TIMM22: variants seen among roughly 807,000 people sequenced by gnomAD.
TIMM22 encodes the protein translocase of inner mitochondrial membrane 22.
TIMM22 carries 12 observed loss-of-function variants against 18.3 expected under a neutral mutation model. That is an observed-to-expected ratio of 0.65 (90% CI 0.42 to 1.06). The LOEUF (loss-of-function observed/expected upper bound fraction) is 1.06. Ranked by LOEUF, TIMM22 falls within the 50% of genes least tolerant of loss-of-function variation. The probability of loss-of-function intolerance (pLI) is 0.00; values close to 1 mark genes in which losing one functional copy is unlikely to be tolerated. For synonymous variants in TIMM22, 107 were observed against 98.5 expected, an observed-to-expected ratio of 1.09 and a Z score of -0.51; for missense variants, 278 against 252.8, an observed-to-expected ratio of 1.10 and a Z score of -0.68.
At chr17:1,000,228 ATATAAAT>A (rs752899656) in intron 3 of TIMM22, among the ~76,000 whole-genome samples, 2 of 151,762 alleles carry the variant, frequency 1.3e-5, no homozygotes, top group Non-Finnish European at 2.9e-5. Context: ...TTAATTTTAG[ATATAAAT>A]TATAATGGTA....
chr17:1,000,609 T>C (rs918907323), intron 3 of TIMM22, among the ~76,000 whole-genome samples: 6 of 152,198 alleles, frequency 3.9e-5, no homozygotes, highest in African/African-American at 1.4e-4. Context: ...CGTCCCATTG[T>C]TCAGCTTCAC....
At chr17:1,000,950 G>C (rs369276305) in intron 3 of TIMM22, 62 bp from the exon 4 acceptor site, 9 of 1,588,962 alleles carry the variant, frequency 5.7e-6, no homozygotes, top group Non-Finnish European at 7.8e-6. Flanking sequence ...CCAACTTTCC[G>C]TGAGTGCCTC....
At chr17:998,450 C>T (rs908704820) in intron 1 of TIMM22, among the ~76,000 whole-genome samples, 2 of 151,998 alleles carry the variant, frequency 1.3e-5, no homozygotes, top group African/African-American at 4.8e-5. Flanking sequence ...GTCACAGTGG[C>T]CAAGAGAGTG....
In TIMM22 at chr17:998,917, C is replaced by T. The variant is rs1482387036; in HGVS notation, c.377C>T (p.Ala126Val). Residue 126 changes from alanine (A) to valine (V), a missense_variant, in exon 2 of 4, where the codon GCC becomes GTC. By Grantham distance (64) the Ala-to-Val change is moderately conservative. Coordinates refer to ENST00000327158, the MANE Select transcript of TIMM22 (RefSeq NM_013337.4). ...ATGGGGCAGAGAGGAATGTCCTATG[C>T]CAAAAATTTCGCCATTGTGGGAGCC... is the stretch of plus-strand genomic sequence containing the variant. ...KDMGQRGMSY[A>V]KNFAIVGAMF... 9 of 1,614,058 alleles carry T rather than the reference C, an allele frequency of 5.6e-6. No homozygotes were observed. The highest frequency in any genetic ancestry group is 5.1e-6 in the Non-Finnish European group (6 of 1,179,978).
chr17:998,959 A>AGT lies in TIMM22; in HGVS notation c.422_423dup (p.Leu142ValfsTer2). On this transcript the variant is annotated frameshift_variant, in exon 2 of 4. Transcript: ENST00000327158. LOFTEE classifies it high-confidence loss of function. ...GTGGGAGCCATGTTTTCTTGTACTG[A>AGT]GTGTTTGATAGAATCTGTAAGTGTC... The AGT allele has an allele frequency of 6.2e-7, 1 of 1,612,782 alleles. No individual in the cohort carries two copies. The highest frequency in any genetic ancestry group is 8.5e-7 in the Non-Finnish European group (1 of 1,179,118).
intron 3 of TIMM22, among the ~76,000 whole-genome samples, chr17:999,966 G>A (rs1356708839): frequency 6.6e-6 from 1 of 151,936 alleles, no homozygotes; most frequent in African/African-American, 2.4e-5. Context: ...GTGGCACGAT[G>A]TCAGCTCACT....
chr17:1,001,217 T>G lies in TIMM22; in HGVS notation c.*129T>G. On this transcript the variant is annotated 3_prime_UTR_variant, in exon 4 of 4. Coordinates refer to ENST00000327158, the MANE Select transcript of TIMM22 (RefSeq NM_013337.4). The stretch of plus-strand genomic sequence containing the variant: ...CATTCATTTTCCCTCATGTCGTTGG[T>G]ATTCTGAGGGAGCTGCCTGGCTTCT... 4 of 1,037,954 alleles carry G rather than the reference T, an allele frequency of 3.9e-6. No homozygotes were observed. The highest frequency in any genetic ancestry group is 4.3e-6 in the Non-Finnish European group (3 of 691,364). 64.3% of individuals were successfully genotyped at this position (1,037,954 alleles called of 1,614,324 possible).
intron 2 of TIMM22, 121 bp from the exon 3 acceptor site, chr17:999,391 G>T: frequency 1.7e-6 from 1 of 601,942 alleles, no homozygotes; most frequent in East Asian, 3.0e-5. Flanking sequence ...ATATTTTCAA[G>T]AAAGATTAGG....
chr17:999,548 A>G lies in TIMM22; in HGVS notation c.472A>G (p.Ser158Gly). The change falls in exon 3 of 4, where the codon AGT becomes GGT. Residue 158 changes from serine (S) to glycine (G), a missense_variant. Physicochemically the swap from Ser to Gly is moderately conservative, Grantham distance 56. Coordinates refer to ENST00000327158, the MANE Select transcript of TIMM22 (RefSeq NM_013337.4). ...ATCAGACTGGAAGAACAGTGTCATC[A>G]GTGGCTGCATCACGGGAGGAGCTAT... ...GTSDWKNSVISGCITGGAIGF... is the reference protein window; with the variant it reads ...GTSDWKNSVIGGCITGGAIGF... 6.2e-7 allele frequency: 1 copy of G among 1,613,656 alleles called. No homozygotes were observed. The highest frequency in any genetic ancestry group is 8.5e-7 in the Non-Finnish European group (1 of 1,179,866).
intron 1 of TIMM22, among the ~76,000 whole-genome samples, chr17:998,288 T>C (rs1366147239): frequency 1.3e-5 from 2 of 152,158 alleles, no homozygotes; most frequent in African/African-American, 4.8e-5. Flanking sequence ...TGCCATTAGG[T>C]AGCTGTGTGG....
At chr17:999,359 A>C (rs2069718757) in intron 2 of TIMM22, among the ~76,000 whole-genome samples, 153 bp from the exon 3 acceptor site, 1 of 124,458 alleles carries the variant, frequency 8.0e-6, no homozygotes, top group Non-Finnish European at 1.6e-5. Flanking sequence ...ATATATATAT[A>C]CACGCTGTAT....
At position 1,000,375 on chromosome 17, in the gene TIMM22, G is replaced by A. The variant is rs1258184253; in HGVS notation, c.509-637G>A. Among the ~76,000 whole-genome samples, 6 of 149,874 alleles carry A rather than the reference G, an allele frequency of 4.0e-5. No individual in the cohort carries two copies. The South Asian group carries it at 8.4e-4, about 21-fold the overall frequency. On this transcript the variant is annotated intron_variant, in intron 3 of 3. Coordinates refer to ENST00000327158, the MANE Select transcript of TIMM22 (RefSeq NM_013337.4). The stretch of plus-strand genomic sequence containing the variant: ...AACCAATTTGCTGCCTCTTCTCCCC[G>A]TTGGCATGTCCATTCAGAGCGTGGT...
intron 2 of TIMM22, 93 bp downstream of exon 2, chr17:999,068 G>T: frequency 7.2e-7 from 1 of 1,384,372 alleles, no homozygotes; most frequent in Admixed American, 2.3e-5. Flanking sequence ...TTTGAAAGTT[G>T]TTACTAGAAA....
chr17:1,000,919 T>C, intron 3 of TIMM22, 93 bp from the exon 4 acceptor site: 5 of 1,267,930 alleles, frequency 3.9e-6, no homozygotes, highest in Non-Finnish European at 4.6e-6. Flanking sequence ...CTTAAGCTCA[T>C]TTCATGACAC....
rs2069710406 is a variant in TIMM22, at chr17:998,765, G to A, written c.239-14G>A. On this transcript the variant is annotated splice_polypyrimidine_tract_variant and intron_variant, in intron 1 of 3. Coordinates refer to ENST00000327158, the MANE Select transcript of TIMM22 (RefSeq NM_013337.4). ...ACATGCCAAAGACACCTTCATCTCT[G>A]TGTTTGCTTCTAGGATTTGTCTTAG... 1 of 1,609,056 alleles carries A rather than the reference G, an allele frequency of 6.2e-7. No homozygotes were observed. The highest frequency in any genetic ancestry group is 1.3e-5 in the African/African-American group (1 of 74,770).
At chr17:999,115 T>G (rs907810794) in intron 2 of TIMM22, 140 bp downstream of exon 2, 2 of 854,294 alleles carry the variant, frequency 2.3e-6, no homozygotes, top group Non-Finnish European at 1.7e-6. Flanking sequence ...TAGGTTGAAC[T>G]TCCATAAAAT....
chr17:1,001,192 C>A lies in TIMM22; in HGVS notation c.*104C>A. On this transcript the variant is annotated 3_prime_UTR_variant, in exon 4 of 4. Transcript: ENST00000327158. ...AGGGCCTTGCTTCAGGGCCTGAAGACATTCATTTTCCCTCATGTCGTTGGT... is the reference window on the plus strand; with the variant it reads ...AGGGCCTTGCTTCAGGGCCTGAAGAAATTCATTTTCCCTCATGTCGTTGGT... 8.0e-7 allele frequency: 1 copy of A among 1,252,900 alleles called. No homozygotes were observed. The highest frequency in any genetic ancestry group is 1.2e-6 in the Non-Finnish European group (1 of 866,092). 77.6% of individuals were successfully genotyped at this position (1,252,900 alleles called of 1,614,324 possible). A position where few individuals can be genotyped will look rare whatever the true frequency, so the allele number is the denominator to read the frequency against.
At chr17:1,000,374 C>T (rs139434936) in intron 3 of TIMM22, among the ~76,000 whole-genome samples, 5 of 151,854 alleles carry the variant, frequency 3.3e-5, no homozygotes, top group Admixed American at 1.3e-4. Flanking sequence ...CTCTTCTCCC[C>T]GTTGGCATGT....
chr17:997,481 C>T lies in TIMM22; in HGVS notation c.238+101C>T, dbSNP rs1368934961. On this transcript the variant is annotated intron_variant, in intron 1 of 3. Coordinates refer to ENST00000327158, the MANE Select transcript of TIMM22 (RefSeq NM_013337.4). ...CGCCTGGGAGGCGAGGGACTGCGGG[C>T]CTTGACCTTGACCACACCCTCGCCT... The T allele has an allele frequency of 5.4e-6, 6 of 1,102,338 alleles. No individual in the cohort carries two copies. In the African/African-American group the frequency reaches 9.6e-5, roughly 18 times the overall value. 68.3% of individuals were successfully genotyped at this position (1,102,338 alleles called of 1,614,324 possible). A position where few individuals can be genotyped will look rare whatever the true frequency, so the allele number is the denominator to read the frequency against.
Sources: gnomAD v4.1 joint callset for allele counts (sites outside exome capture counted in the v4.1 genomes callset) on GRCh38, gnomAD v4.1.1 for gene constraint, MANE v1.5 for transcripts, NCBI Gene and HGNC (gene_info 2026-07-23, HGNC 2026-07-21) for gene names.